Variants in CPQ observed in about 807,000 individuals in gnomAD.
CPQ encodes carboxypeptidase Q, also known as Ser-Met dipeptidase.
Under a neutral mutation model 45.7 loss-of-function variants are expected in CPQ, and 37 were observed. The observed-to-expected ratio is 0.81, with a 90% confidence interval of 0.62 to 1.07. The LOEUF is 1.07. Among genes scored for constraint, CPQ ranks in the 50% least tolerant of loss-of-function variants. CPQ has a pLI of 0.00. For missense variants in CPQ, 537 were observed against 572.9 expected (o/e 0.94, Z 0.64); for synonymous variants, 186 against 205.8 (o/e 0.90, Z 0.82).
chr8:96,712,027 A>C (rs1424947283), intron 1 of CPQ, among the ~76,000 whole-genome samples: 1 of 152,204 alleles, frequency 6.6e-6, no homozygotes, highest in Non-Finnish European at 1.5e-5. Context: ...CAACTATTCC[A>C]GATGGGAGAA....
chr8:97,065,580 G>A (rs1024226300), intron 6 of CPQ, among the ~76,000 whole-genome samples: 3 of 152,132 alleles, frequency 2.0e-5, no homozygotes, highest in Non-Finnish European at 4.4e-5. Flanking sequence ...GAGGAAAGAG[G>A]TGCAAAGAAA....
intron 5 of CPQ, among the ~76,000 whole-genome samples, chr8:97,017,176 A>T (rs1429323066): frequency 6.6e-6 from 1 of 152,184 alleles, no homozygotes; most frequent in Non-Finnish European, 1.5e-5. Context: ...ACGGGAGAAG[A>T]TTCCGACCTT....
At chr8:96,984,990 T>G (rs1813987037) in intron 5 of CPQ, among the ~76,000 whole-genome samples, 1 of 152,226 alleles carries the variant, frequency 6.6e-6, no homozygotes, top group African/African-American at 2.4e-5. Flanking sequence ...TAGAGTTCTG[T>G]GAGTAATAAA....
At chr8:97,030,189 A>G (rs1482497076) in intron 6 of CPQ, among the ~76,000 whole-genome samples, 4 of 152,254 alleles carry the variant, frequency 2.6e-5, no homozygotes, top group Non-Finnish European at 5.9e-5. Context: ...GAGGAACTCC[A>G]AAATCAACGC....
At chr8:97,100,069 GCTA>G (rs1811277038) in intron 7 of CPQ, among the ~76,000 whole-genome samples, 1 of 152,176 alleles carries the variant, frequency 6.6e-6, no homozygotes, top group South Asian at 2.1e-4. Context: ...CAGAAGCATA[GCTA>G]CTGTTGTCAA....
intron 7 of CPQ, among the ~76,000 whole-genome samples, chr8:97,099,854 C>T (rs6985592): frequency 0.018 from 2,703 of 152,198 alleles, 69 homozygotes; most frequent in African/African-American, 0.06. Flanking sequence ...TCCTAATGTA[C>T]TTTCCTCAAT....
intron 5 of CPQ, among the ~76,000 whole-genome samples, chr8:96,983,268 T>C (rs1468656209): frequency 2.0e-5 from 3 of 152,234 alleles, no homozygotes; most frequent in African/African-American, 7.2e-5. Flanking sequence ...TTTAGTCTAT[T>C]AATTTTCAGT....
chr8:96,898,164 A>G (rs1160256809), intron 4 of CPQ, among the ~76,000 whole-genome samples: 1 of 152,154 alleles, frequency 6.6e-6, no homozygotes, highest in Admixed American at 6.6e-5. Context: ...TGAGGAAGAC[A>G]CAGAGCGATA....
chr8:96,881,762 G>A (rs914614132), intron 4 of CPQ, among the ~76,000 whole-genome samples: 2 of 152,220 alleles, frequency 1.3e-5, no homozygotes, highest in Non-Finnish European at 2.9e-5. Flanking sequence ...TGGTATGCAA[G>A]TAATTAACAG....
At chr8:96,901,104 G>A (rs1812507892) in intron 4 of CPQ, among the ~76,000 whole-genome samples, 1 of 152,102 alleles carries the variant, frequency 6.6e-6, no homozygotes, top group Admixed American at 6.6e-5. Context: ...TCCCCTGCAG[G>A]CATTGTCTCA....
intron 7 of CPQ, chr8:97,133,433 A>T (rs190252567): frequency 5.9e-5 from 9 of 152,348 alleles, no homozygotes; most frequent in Admixed American, 5.9e-4. Context: ...TGCAAGAAGC[A>T]TATGAACGTG....
chr8:97,082,190 TTCTC>T (rs1475838686), intron 7 of CPQ, among the ~76,000 whole-genome samples: 2 of 152,142 alleles, frequency 1.3e-5, no homozygotes, highest in African/African-American at 2.4e-5. Flanking sequence ...CTCTCTCTCT[TTCTC>T]TCTCTGGGGC....
At chr8:96,681,659 G>A (rs1464586457) in intron 1 of CPQ, among the ~76,000 whole-genome samples, 2 of 152,162 alleles carry the variant, frequency 1.3e-5, no homozygotes, top group Non-Finnish European at 2.9e-5. Flanking sequence ...TGTGAGAAGA[G>A]GACCACCATC....
intron 3 of CPQ, among the ~76,000 whole-genome samples, chr8:96,867,797 T>C (rs1812014751): frequency 6.6e-6 from 1 of 152,024 alleles, no homozygotes; most frequent in Non-Finnish European, 1.5e-5. Context: ...TGCAGAGTTA[T>C]GTTATGACTT....
At chr8:96,710,339 A>G (rs1264322243) in intron 1 of CPQ, among the ~76,000 whole-genome samples, 1 of 151,702 alleles carries the variant, frequency 6.6e-6, no homozygotes, top group Non-Finnish European at 1.5e-5. Flanking sequence ...TTTGGTTTCA[A>G]TTTCATTTAG....
chr8:96,927,517 C>A (rs1456878598), intron 4 of CPQ, among the ~76,000 whole-genome samples: 3 of 152,158 alleles, frequency 2.0e-5, no homozygotes, highest in Non-Finnish European at 4.4e-5. Context: ...CATTATTGTG[C>A]TCCTGAGGGG....
intron 4 of CPQ, among the ~76,000 whole-genome samples, chr8:96,908,309 A>C (rs1368585641): frequency 3.9e-5 from 6 of 152,150 alleles, no homozygotes; most frequent in Non-Finnish European, 7.4e-5. Flanking sequence ...AAGGTCTGAT[A>C]ATTAGCTGCC....
At chr8:97,013,623 G>A (rs1442323576) in intron 5 of CPQ, among the ~76,000 whole-genome samples, 1 of 152,126 alleles carries the variant, frequency 6.6e-6, no homozygotes, top group Non-Finnish European at 1.5e-5. Context: ...GAAAAAGAAA[G>A]GACAAACCAG....
In CPQ at chr8:96,783,910, A is replaced by G. The variant is rs149239004; in HGVS notation, c.-34-954A>G. ...TCTCTGTATTTACCTATTGTGCATTAGTAAAAAACAGTTTGTGGACTGGTA... is the reference window on the plus strand; with the variant it reads ...TCTCTGTATTTACCTATTGTGCATTGGTAAAAAACAGTTTGTGGACTGGTA... On this transcript the variant is annotated intron_variant, in intron 1 of 7. Coordinates refer to ENST00000220763, the MANE Select transcript of CPQ (RefSeq NM_016134.4). Among the ~76,000 whole-genome samples the G allele has an allele frequency of 2.8e-3, 433 of 152,306 alleles. 1 individual carries two copies. The highest frequency in any genetic ancestry group is 9.7e-3 in the African/African-American group (404 of 41,582).
Sources: allele counts gnomAD v4.1 joint callset (sites outside exome capture counted in the v4.1 genomes callset), GRCh38; gene constraint gnomAD v4.1.1; transcripts MANE v1.5; gene names NCBI Gene and HGNC (gene_info 2026-07-23, HGNC 2026-07-21).